Variants in MYO9B observed in about 807,000 individuals in gnomAD.
The protein encoded by MYO9B is unconventional myosin-IXb.
MYO9B carries 71 observed loss-of-function variants against 229.5 expected under a neutral mutation model. The observed-to-expected ratio is 0.31, with a 90% CI of 0.26 to 0.38. MYO9B has a LOEUF of 0.38. MYO9B is among the 10% of genes least tolerant of loss of function. The probability of loss-of-function intolerance (pLI) is 1.00; values close to 1 mark genes in which losing one functional copy is unlikely to be tolerated. For missense variants in MYO9B, 2,255 were observed against 2,920.5 expected, an observed-to-expected ratio of 0.77 and a Z score of 5.25; for synonymous variants, 1,185 against 1,235.8, an observed-to-expected ratio of 0.96 and a Z score of 0.86.
In MYO9B at chr19:17,193,383, A is replaced by G. The variant is rs118041552; in HGVS notation, c.3128+321A>G. Among the ~76,000 whole-genome samples the G allele has an allele frequency of 4.6e-3, 695 of 152,304 alleles. 5 individuals carry two copies. The highest frequency in any genetic ancestry group is 0.027 in the Middle Eastern group (8 of 294). ...TGGAGGGGCTGCCTGGACCAGCCCA[A>G]CACTCACATGGAGCTGGGGCATCCA... is the stretch of plus-strand genomic sequence containing the variant. On this transcript the variant is annotated intron_variant, in intron 21 of 39. Coordinates refer to ENST00000682292, the MANE Select transcript of MYO9B (RefSeq NM_004145.4). The surrounding 1 kb of genome is among the most constrained non-coding windows in gnomAD (Gnocchi z 4.3).
intron 3 of MYO9B, among the ~76,000 whole-genome samples, chr19:17,147,542 CAAAA>C (rs71334674): frequency 1.4e-4 from 9 of 64,338 alleles, no homozygotes; most frequent in Admixed American, 1.1e-3. Context: ...AAGTCCATCT[CAAAA>C]AAAAAAAAAA....
intron 1 of MYO9B, among the ~76,000 whole-genome samples, chr19:17,094,520 G>C (rs749702231): frequency 6.6e-6 from 1 of 152,092 alleles, no homozygotes; most frequent in Non-Finnish European, 1.5e-5. Context: ...AGCAGCCACC[G>C]ATCAGCTTTC....
At chr19:17,100,300 T>C (rs566012477) in intron 1 of MYO9B, among the ~76,000 whole-genome samples, 6 of 151,036 alleles carry the variant, frequency 4.0e-5, no homozygotes, top group African/African-American at 1.5e-4. Flanking sequence ...CAAAACCCCA[T>C]CTCTACTTAA....
At chr19:17,163,222 G>A (rs1251351058) in intron 10 of MYO9B, 100 bp downstream of exon 10, 37 of 1,297,614 alleles carry the variant, frequency 2.9e-5, no homozygotes, top group East Asian at 2.6e-4. Context: ...GTTCAGCGGC[G>A]GTAAGTACAT....
At chr19:17,126,112 G>A (rs1252693722) in intron 2 of MYO9B, among the ~76,000 whole-genome samples, 6 of 152,024 alleles carry the variant, frequency 3.9e-5, no homozygotes, top group South Asian at 2.1e-4. Context: ...TCATTCCCTC[G>A]GCCCCGCCTT....
Position 17,194,954 on chromosome 19 carries a change from G to A in MYO9B, c.3527G>A (p.Arg1176Lys). ...IQSCKEESALREPSRRVTQEQ... is the reference protein window; with the variant it reads ...IQSCKEESALKEPSRRVTQEQ... ...TCCTGCAAGGAGGAGAGTGCCCTCA[G>A]AGAACCTTCCAGAAGGGTCACCCAG... The change falls in exon 22 of 40, where the codon AGA becomes AAA. Residue 1176 changes from arginine to lysine, a missense_variant. This residue lies in a region of MYO9B where 679 missense variants were observed against 770.2 expected (regional missense o/e 0.88). Transcript: ENST00000682292. 6.2e-7 allele frequency: 1 copy of A among 1,613,436 alleles called. No homozygotes were observed.
intron 2 of MYO9B, among the ~76,000 whole-genome samples, chr19:17,133,855 G>C (rs1286166756): frequency 6.6e-6 from 1 of 152,098 alleles, no homozygotes; most frequent in Non-Finnish European, 1.5e-5. Context: ...CCGCCTCCCA[G>C]GTTCACACCA....
At chr19:17,164,570 T>A (rs924606535) in intron 10 of MYO9B, among the ~76,000 whole-genome samples, 1 of 152,022 alleles carries the variant, frequency 6.6e-6, no homozygotes, top group South Asian at 2.1e-4. Flanking sequence ...TTAGTAGAGA[T>A]AGGGTTTCAC....
intron 1 of MYO9B, chr19:17,095,539 C>T (rs2057679233): frequency 1.3e-5 from 2 of 152,182 alleles, no homozygotes; most frequent in African/African-American, 2.4e-5. Flanking sequence ...GTGGTTCCTT[C>T]CTTTTTATGG....
intron 26 of MYO9B, among the ~76,000 whole-genome samples, chr19:17,201,045 C>G (rs1211700514): frequency 2.6e-5 from 4 of 152,188 alleles, no homozygotes; most frequent in African/African-American, 9.6e-5. Context: ...TCAAAACCAG[C>G]CTGGGCAACA....
intron 1 of MYO9B, among the ~76,000 whole-genome samples, chr19:17,078,472 G>A (rs926092994): frequency 2.8e-4 from 42 of 152,086 alleles, no homozygotes; most frequent in African/African-American, 9.7e-4. Flanking sequence ...CCCAGGAGGC[G>A]GAGTTTGCAG....
intron 3 of MYO9B, 63 bp from the exon 4 acceptor site, chr19:17,152,581 C>A: frequency 2.1e-5 from 27 of 1,275,128 alleles, no homozygotes; most frequent in African/African-American, 3.0e-5. Flanking sequence ...AAAAAAACAA[C>A]TCAATATTAA....
rs2072732080 is a variant in MYO9B, at chr19:17,172,188, C to T, written c.1794-148C>T. On this transcript the variant is annotated intron_variant, in intron 11 of 39. Transcript: ENST00000682292. The surrounding 1 kb of genome is among the most constrained non-coding windows in gnomAD (Gnocchi z 8.2). ...CCTTTCTTCACTCCTTCACCCACCC[C>T]TCTGTGCACAGAGCCCTGTGCCACT... 1.1e-5 allele frequency: 11 copies of T among 994,166 alleles called. No homozygotes were observed. The highest frequency in any genetic ancestry group is 1.6e-5 in the African/African-American group (1 of 61,536). 61.6% of individuals were successfully genotyped at this position (994,166 alleles called of 1,614,324 possible). A position where few individuals can be genotyped will look rare whatever the true frequency, so the allele number is the denominator to read the frequency against.
chr19:17,126,092 A>G (rs1236360526), intron 2 of MYO9B, among the ~76,000 whole-genome samples: 1 of 151,888 alleles, frequency 6.6e-6, no homozygotes, highest in African/African-American at 2.4e-5. Context: ...CATGGCCCCC[A>G]CTAACCTCCT....
chr19:17,192,972 G>A lies in MYO9B; in HGVS notation c.3038G>A (p.Arg1013Lys). The A allele has an allele frequency of 6.5e-7, 1 of 1,527,772 alleles. No individual in the cohort carries two copies. The highest frequency in any genetic ancestry group is 2.0e-5 in the Admixed American group (1 of 50,150). 94.6% of individuals were successfully genotyped at this position (1,527,772 alleles called of 1,614,324 possible). A position where few individuals can be genotyped will look rare whatever the true frequency, so the allele number is the denominator to read the frequency against. Reference protein sequence around the residue: ...QAAVYLQASWRGYWQRKLYRH... With the variant: ...QAAVYLQASWKGYWQRKLYRH... ...GCCGTGTACCTCCAGGCCTCATGGAGGGGCTACTGGCAGCGGAAGCTCTAC... is the reference window on the plus strand; with the variant it reads ...GCCGTGTACCTCCAGGCCTCATGGAAGGGCTACTGGCAGCGGAAGCTCTAC... Residue 1013 changes from arginine (R) to lysine (K), a missense_variant, in exon 21 of 40, where the codon AGG (arginine) becomes AAG (lysine). By Grantham distance (26) the Arg-to-Lys change is conservative. This residue lies in a region of MYO9B where 679 missense variants were observed against 770.2 expected (regional missense o/e 0.88). Coordinates refer to ENST00000682292, the MANE Select transcript of MYO9B (RefSeq NM_004145.4).
At chr19:17,165,534 C>A (rs1230239703) in intron 10 of MYO9B, among the ~76,000 whole-genome samples, 1 of 151,712 alleles carries the variant, frequency 6.6e-6, no homozygotes, top group Non-Finnish European at 1.5e-5. Context: ...ATGATCACAA[C>A]ACTGTACCCC....
intron 1 of MYO9B, among the ~76,000 whole-genome samples, chr19:17,090,541 C>T (rs2057628040): frequency 6.6e-6 from 1 of 152,162 alleles, no homozygotes; most frequent in Non-Finnish European, 1.5e-5. Context: ...ACTTTGTTAC[C>T]ACTTTTTGGC....
chr19:17,091,129 A>G (rs1568655126), intron 1 of MYO9B, among the ~76,000 whole-genome samples: 2 of 152,226 alleles, frequency 1.3e-5, no homozygotes, highest in South Asian at 2.1e-4. Flanking sequence ...CATGTGTAGT[A>G]TTTAACAAAG....
chr19:17,194,360 G>A (rs1471385236), intron 21 of MYO9B, among the ~76,000 whole-genome samples, 196 bp from the exon 22 acceptor site: 1 of 152,118 alleles, frequency 6.6e-6, no homozygotes, highest in Admixed American at 6.6e-5. Context: ...GGGTATCTGT[G>A]ACACTGAGGG....
Sources: allele counts gnomAD v4.1 joint callset (sites outside exome capture counted in the v4.1 genomes callset), GRCh38; gene constraint gnomAD v4.1.1; regional missense constraint gnomAD v4.1.1; non-coding constraint Gnocchi (gnomAD v3.1); transcripts MANE v1.5; gene names NCBI Gene and HGNC (gene_info 2026-07-23, HGNC 2026-07-21).